Variants in LHFPL2 observed in about 807,000 individuals in gnomAD.
LHFPL2 encodes the protein LHFPL tetraspan subfamily member 2.
A neutral mutation model predicts 17.5 loss-of-function variants in LHFPL2; 7 were observed. That is an observed-to-expected ratio of 0.40 (90% CI 0.23 to 0.75). The LOEUF (loss-of-function observed/expected upper bound fraction) is 0.75. Ranked by LOEUF, LHFPL2 falls within the 30% of genes least tolerant of loss-of-function variation. The pLI is 0.37. For synonymous variants in LHFPL2, 134 were observed against 116.2 expected (o/e 1.15, Z -0.99); for missense variants, 241 against 294.8 (o/e 0.82, Z 1.34).
intron 2 of LHFPL2, among the ~76,000 whole-genome samples, chr5:78,607,533 C>G (rs1235207672): frequency 6.6e-6 from 1 of 152,206 alleles, no homozygotes. Flanking sequence ...CTGAGAACCT[C>G]CTCCTAAATG....
chr5:78,618,148 C>G (rs1199654302), intron 2 of LHFPL2, among the ~76,000 whole-genome samples: 1 of 151,948 alleles, frequency 6.6e-6, no homozygotes, highest in Non-Finnish European at 1.5e-5. Flanking sequence ...TTGCAGTGAG[C>G]CAAGATCGCA....
At chr5:78,544,651 G>A (rs1053903954) in intron 3 of LHFPL2, among the ~76,000 whole-genome samples, 4 of 152,186 alleles carry the variant, frequency 2.6e-5, no homozygotes, top group Middle Eastern at 3.4e-3. Flanking sequence ...CTTGCTGACC[G>A]CAGCAGTTTT....
chr5:78,637,038 C>T (rs1426859213), intron 1 of LHFPL2, among the ~76,000 whole-genome samples: 1 of 152,046 alleles, frequency 6.6e-6, no homozygotes, highest in Non-Finnish European at 1.5e-5. Context: ...ACTGATACTC[C>T]TCTAAATTGG....
intron 4 of LHFPL2, among the ~76,000 whole-genome samples, chr5:78,495,029 A>G (rs1754560995): frequency 6.6e-6 from 1 of 152,254 alleles, no homozygotes; most frequent in Non-Finnish European, 1.5e-5. Context: ...GGAATCAAAT[A>G]ATGGGATATC....
intron 2 of LHFPL2, among the ~76,000 whole-genome samples, chr5:78,601,310 G>A (rs1260685262): frequency 2.0e-5 from 3 of 152,154 alleles, no homozygotes; most frequent in Non-Finnish European, 2.9e-5. Context: ...GATTTACTAA[G>A]CTGAGATGAT....
chr5:78,630,948 A>C (rs186539419), intron 2 of LHFPL2, among the ~76,000 whole-genome samples: 8 of 152,288 alleles, frequency 5.3e-5, no homozygotes, highest in African/African-American at 1.9e-4. Flanking sequence ...TTTTGGCTCC[A>C]ACATTCAGGT....
At chr5:78,620,655 C>T (rs367851461) in intron 2 of LHFPL2, among the ~76,000 whole-genome samples, 3 of 152,156 alleles carry the variant, frequency 2.0e-5, no homozygotes, top group African/African-American at 7.2e-5. Flanking sequence ...GGCATCTAGT[C>T]AGCAGAGGCC....
chr5:78,493,471 C>A (rs753293323), intron 4 of LHFPL2, among the ~76,000 whole-genome samples: 2 of 152,354 alleles, frequency 1.3e-5, no homozygotes, highest in Non-Finnish European at 1.5e-5. Flanking sequence ...CCATCTCCAT[C>A]CTTGACTTTA....
At chr5:78,592,985 G>A (rs559824656) in intron 2 of LHFPL2, among the ~76,000 whole-genome samples, 2 of 152,296 alleles carry the variant, frequency 1.3e-5, no homozygotes, top group Non-Finnish European at 2.9e-5. Context: ...CTGTATGCTT[G>A]AAATGTACAT....
chr5:78,495,280 G>C (rs181585573), intron 4 of LHFPL2, among the ~76,000 whole-genome samples: 1 of 152,068 alleles, frequency 6.6e-6, no homozygotes, highest in African/African-American at 2.4e-5. Flanking sequence ...GCCTTTCCCT[G>C]ACCAACCCAC....
At chr5:78,562,556 A>G (rs1432863356) in intron 3 of LHFPL2, among the ~76,000 whole-genome samples, 2 of 151,722 alleles carry the variant, frequency 1.3e-5, no homozygotes, top group Non-Finnish European at 2.9e-5. Flanking sequence ...AACTACTTGA[A>G]CTGGGGAGGC....
intron 3 of LHFPL2, among the ~76,000 whole-genome samples, chr5:78,549,614 A>C (rs1004684987): frequency 5.3e-5 from 8 of 152,206 alleles, no homozygotes; most frequent in Non-Finnish European, 1.0e-4. Flanking sequence ...GCCCTCCAAT[A>C]ACAATAAATT....
At chr5:78,539,781 C>T (rs1198866032) in intron 3 of LHFPL2, among the ~76,000 whole-genome samples, 1 of 150,734 alleles carries the variant, frequency 6.6e-6, no homozygotes, top group Non-Finnish European at 1.5e-5. Context: ...TCTTGCCCCA[C>T]TAACAACTTC....
chr5:78,497,471 C>T (rs976951053), intron 4 of LHFPL2, among the ~76,000 whole-genome samples: 7 of 152,266 alleles, frequency 4.6e-5, no homozygotes, highest in Middle Eastern at 3.4e-3. Flanking sequence ...TGTCTACCCC[C>T]GCCAGCTTGA....
At chr5:78,531,663 T>C (rs1755788120) in intron 3 of LHFPL2, among the ~76,000 whole-genome samples, 1 of 152,080 alleles carries the variant, frequency 6.6e-6, no homozygotes, top group South Asian at 2.1e-4. Flanking sequence ...GGGGTAGCAA[T>C]GGGCCCGGCT....
At chr5:78,602,900 T>C (rs1744070640) in intron 2 of LHFPL2, among the ~76,000 whole-genome samples, 1 of 151,196 alleles carries the variant, frequency 6.6e-6, no homozygotes, top group Admixed American at 6.6e-5. Context: ...TGTTTTGTTT[T>C]GTTTTGTTTG....
chr5:78,561,749 C>A (rs1756733489), intron 3 of LHFPL2, among the ~76,000 whole-genome samples: 1 of 152,162 alleles, frequency 6.6e-6, no homozygotes. Context: ...AACAGTACAT[C>A]ATTTACTCTC....
At chr5:78,554,715 T>G (rs1724348006) in intron 3 of LHFPL2, among the ~76,000 whole-genome samples, 1 of 152,216 alleles carries the variant, frequency 6.6e-6, no homozygotes, top group South Asian at 2.1e-4. Flanking sequence ...GAGGAAACTT[T>G]CCGTGTCACA....
intron 4 of LHFPL2, among the ~76,000 whole-genome samples, chr5:78,508,971 G>A (rs1755019121): frequency 6.6e-6 from 1 of 152,190 alleles, no homozygotes; most frequent in Admixed American, 6.5e-5. Flanking sequence ...TAGACAGATT[G>A]TTACCCCATT....
Sources: gnomAD v4.1 joint callset for allele counts (sites outside exome capture counted in the v4.1 genomes callset) on GRCh38, gnomAD v4.1.1 for gene constraint, MANE v1.5 for transcripts, NCBI Gene and HGNC (gene_info 2026-07-23, HGNC 2026-07-21) for gene names.